The following GUCD1 variants were observed in gnomAD, a reference collection of about 807,000 sequenced individuals.
The protein encoded by GUCD1 is protein GUCD1.
In GUCD1, 17 loss-of-function variants were observed where a neutral mutation model predicts 28.3. The ratio of observed to expected loss-of-function variants is 0.60; its 90% CI spans 0.41 to 0.90. The LOEUF (loss-of-function observed/expected upper bound fraction) is 0.90. Among genes scored for constraint, GUCD1 ranks in the 40% least tolerant of loss-of-function variants. The probability of loss-of-function intolerance (pLI) is 0.00; values close to 1 mark genes in which losing one functional copy is unlikely to be tolerated. For missense variants in GUCD1, 279 were observed against 305.5 expected, an observed-to-expected ratio of 0.91 and a Z score of 0.65; for synonymous variants, 129 against 123.3, an observed-to-expected ratio of 1.05 and a Z score of -0.30.
intron 4 of GUCD1, 41 bp downstream of exon 4, chr22:24,546,873 G>C: frequency 1.3e-6 from 2 of 1,527,788 alleles, no homozygotes; most frequent in Non-Finnish European, 1.8e-6. Flanking sequence ...TGGGTGAGCA[G>C]GCATGAGAGG....
chr22:24,552,393 A>G (rs1005287212), intron 1 of GUCD1, among the ~76,000 whole-genome samples: 8 of 152,238 alleles, frequency 5.3e-5, no homozygotes, highest in Non-Finnish European at 1.2e-4. Context: ...GACAGCAGGA[A>G]ACTTGCTGAT....
chr22:24,548,135 C>A, intron 2 of GUCD1, 62 bp from the exon 3 acceptor site: 1 of 1,439,640 alleles, frequency 6.9e-7, no homozygotes, highest in Non-Finnish European at 9.6e-7. Context: ...CTGAGTCACC[C>A]TCCACCCACT....
intron 1 of GUCD1, among the ~76,000 whole-genome samples, chr22:24,554,205 T>C (rs149471203): frequency 8.5e-5 from 13 of 152,292 alleles, no homozygotes; most frequent in Admixed American, 5.2e-4. Context: ...CCATTCCTCC[T>C]CTGAGGCTCA....
In GUCD1 at chr22:24,544,050, C is replaced by T. The variant is rs769887666; in HGVS notation, c.420G>A (p.Leu140=). Residue 140 remains leucine (L), a synonymous_variant, in exon 5 of 6, where the codon CTG becomes CTA. Coordinates refer to ENST00000435822, the MANE Select transcript of GUCD1 (RefSeq NM_001284254.2). The part of the protein sequence containing the change: ...TVSVKDIQAH[L]AQGHVAIVLV... ...GCACGATGGCCACATGGCCCTGAGC[C>T]AGGTGCGCCTGGATGTCCTTCACAC... 1.9e-6 allele frequency: 3 copies of T among 1,612,014 alleles called. No individual in the cohort carries two copies. The highest frequency in any genetic ancestry group is 2.2e-5 in the South Asian group (2 of 91,088).
At position 24,554,894 on chromosome 22, in the gene GUCD1, G is replaced by A. The variant is rs1328754506; in HGVS notation, c.43+55C>T. On this transcript the variant is annotated intron_variant, in intron 1 of 5. Transcript: ENST00000435822. ...GCGACTGGACCCTGCCCCGCGCTAG[G>A]GAGGGGTCCCTTTCGTTCCTAGGGT... 4 of 1,404,280 alleles carry A rather than the reference G, an allele frequency of 2.8e-6. No homozygotes were observed. In the Admixed American group the frequency reaches 7.1e-5, roughly 25 times the overall value. 87.0% of individuals were successfully genotyped at this position (1,404,280 alleles called of 1,614,324 possible).
chr22:24,542,826 G>A lies in GUCD1; in HGVS notation c.*180C>T, dbSNP rs1017139553. On this transcript the variant is annotated 3_prime_UTR_variant, in exon 6 of 6. Transcript: ENST00000435822. ...TGGGGTGAGTGACATGACAACACAC[G>A]GCACTGGCAGACAAAGCAGCTGTGC... 42 of 573,220 alleles carry A rather than the reference G, an allele frequency of 7.3e-5. No homozygotes were observed. The highest frequency in any genetic ancestry group is 2.8e-5 in the Non-Finnish European group (9 of 317,262). The allele number at this position is 573,220 out of a possible 1,614,324, so 35.5% of individuals were successfully genotyped here. A position where few individuals can be genotyped will look rare whatever the true frequency, so the allele number is the denominator to read the frequency against.
chr22:24,545,806 T>C (rs2044710590), intron 4 of GUCD1, among the ~76,000 whole-genome samples: 1 of 151,864 alleles, frequency 6.6e-6, no homozygotes, highest in African/African-American at 2.4e-5. Context: ...GGTTTCACCA[T>C]GATCTCGATC....
At chr22:24,548,412 G>A (rs1021081892) in intron 2 of GUCD1, among the ~76,000 whole-genome samples, 1 of 152,192 alleles carries the variant, frequency 6.6e-6, no homozygotes, top group African/African-American at 2.4e-5. Flanking sequence ...GGCAAAGAAC[G>A]CTTTTGTTGA....
At chr22:24,549,437 C>T (rs2044814357) in intron 1 of GUCD1, among the ~76,000 whole-genome samples, 1 of 152,142 alleles carries the variant, frequency 6.6e-6, no homozygotes, top group Admixed American at 6.5e-5. Flanking sequence ...GGCCCAGTGA[C>T]CCACATGTGC....
rs1294644052 is a variant in GUCD1 at position 24,540,909 on chromosome 22, AG to A, written c.*2096del. On this transcript the variant is annotated 3_prime_UTR_variant, in exon 6 of 6. Coordinates refer to ENST00000435822, the MANE Select transcript of GUCD1 (RefSeq NM_001284254.2). Reference sequence around the variant, plus strand: ...TCCATGAAGGCCACTCCCTAGTGACAGCCCTAACAGCATGTGCACTGTCTAA... The same window carrying A: ...TCCATGAAGGCCACTCCCTAGTGACACCCTAACAGCATGTGCACTGTCTAA... 1 of 168,744 alleles carries A rather than the reference AG, an allele frequency of 5.9e-6. No homozygotes were observed. Among genetic ancestry groups the A allele is most frequent in the East Asian group, 1.9e-4 (1 of 5,204 alleles). 10.5% of individuals were successfully genotyped at this position (168,744 alleles called of 1,614,324 possible).
chr22:24,549,894 A>AG (rs1446641263), intron 1 of GUCD1, among the ~76,000 whole-genome samples: 2 of 152,242 alleles, frequency 1.3e-5, no homozygotes, highest in East Asian at 3.9e-4. Context: ...AATGTATCTG[A>AG]GTTCATGAGG....
At chr22:24,545,299 T>TC (rs1411908329) in intron 4 of GUCD1, among the ~76,000 whole-genome samples, 1 of 152,124 alleles carries the variant, frequency 6.6e-6, no homozygotes, top group Non-Finnish European at 1.5e-5. Context: ...CTGGCTGAGT[T>TC]CCCAGTGGCA....
chr22:24,548,558 T>C (rs2147087132), intron 2 of GUCD1, among the ~76,000 whole-genome samples: 1 of 152,352 alleles, frequency 6.6e-6, no homozygotes, highest in Non-Finnish European at 1.5e-5. Flanking sequence ...TCCAGGTTTC[T>C]GTGATATTCA....
Position 24,540,827 on chromosome 22 carries a change from G to T in GUCD1, c.*2179C>A, listed in dbSNP as rs777159446. On this transcript the variant is annotated 3_prime_UTR_variant, in exon 6 of 6. Transcript: ENST00000435822. ...CATGCCCTGAGAAGCCATCCTCTGG[G>T]ACCAGAGACTGAGTGTTTCTAAACA... The T allele has an allele frequency of 2.6e-5, 4 of 156,632 alleles. No homozygotes were observed. Among genetic ancestry groups the T allele is most frequent in the Non-Finnish European group, 5.9e-5 (4 of 68,222 alleles). The allele number at this position is 156,632 out of a possible 1,614,324, so 9.7% of individuals were successfully genotyped here.
At chr22:24,547,150 G>A in intron 3 of GUCD1, 145 bp from the exon 4 acceptor site, 1 of 649,982 alleles carries the variant, frequency 1.5e-6, no homozygotes, top group Non-Finnish European at 2.8e-6. Flanking sequence ...GGTACATGCA[G>A]CAAGCCAGAT....
At chr22:24,549,564 T>G (rs1010089825) in intron 1 of GUCD1, among the ~76,000 whole-genome samples, 1 of 152,090 alleles carries the variant, frequency 6.6e-6, no homozygotes, top group African/African-American at 2.4e-5. Context: ...CAGGCTGGAG[T>G]GCAGTGGCAT....
At chr22:24,551,560 G>A (rs1268350031) in intron 1 of GUCD1, among the ~76,000 whole-genome samples, 1 of 152,178 alleles carries the variant, frequency 6.6e-6, no homozygotes, top group Non-Finnish European at 1.5e-5. Context: ...TCTACCCCAA[G>A]GCATCTGCAC....
intron 2 of GUCD1, 34 bp downstream of exon 2, chr22:24,548,882 GA>G: frequency 6.7e-7 from 1 of 1,498,086 alleles, no homozygotes; most frequent in Non-Finnish European, 9.1e-7. Context: ...ATGTAGATGG[GA>G]AGCACCTGGG....
rs1283980185 is a variant in GUCD1 at position 24,547,952 on chromosome 22, A to G, written c.250T>C (p.Phe84Leu). The G allele has an allele frequency of 6.2e-7, 1 of 1,614,186 alleles. No homozygotes were observed. Reference sequence around the variant, plus strand: ...TCGACACCCAGGGTCTGGGTACAGAAGCGGTGCCTCACGCCAAAGTGGTGC... The same window carrying G: ...TCGACACCCAGGGTCTGGGTACAGAGGCGGTGCCTCACGCCAAAGTGGTGC... ...LMHHFGVRHRFCTQTLGVDKG... is the reference protein window; with the variant it reads ...LMHHFGVRHRLCTQTLGVDKG... Residue 84 changes from phenylalanine (F) to leucine (L), a missense_variant, in exon 3 of 6, where the codon TTC becomes CTC. Phe to Leu is a conservative substitution (Grantham distance 22, BLOSUM62 0). Transcript: ENST00000435822.
Sources: gnomAD v4.1 joint callset for allele counts (sites outside exome capture counted in the v4.1 genomes callset) on GRCh38, gnomAD v4.1.1 for gene constraint, MANE v1.5 for transcripts, NCBI Gene and HGNC (gene_info 2026-07-23, HGNC 2026-07-21) for gene names.